The following DGKB variants were observed in gnomAD, a reference collection of about 807,000 sequenced individuals.
DGKB encodes diacylglycerol kinase beta.
In DGKB, 67 loss-of-function variants were observed where a neutral mutation model predicts 114.3. That is an observed-to-expected ratio of 0.59 (90% CI 0.48 to 0.72). The LOEUF is 0.72. Among genes scored for constraint, DGKB ranks in the 30% least tolerant of loss-of-function variants. The pLI, the probability that DGKB is intolerant of heterozygous loss-of-function variation, is 0.00. For synonymous variants in DGKB, 398 were observed against 323.1 expected, an observed-to-expected ratio of 1.23 and a Z score of -2.49; for missense variants, 907 against 975.2, an observed-to-expected ratio of 0.93 and a Z score of 0.93.
chr7:14,520,208 C>CTTTTTTT (rs1319688779), intron 20 of DGKB, among the ~76,000 whole-genome samples: 1 of 89,266 alleles, frequency 1.1e-5, no homozygotes, highest in Non-Finnish European at 2.4e-5. Flanking sequence ...ATCTTTTTTC[C>CTTTTTTT]TATTTTTTTT....
At chr7:14,217,323 G>A (rs747649914) in intron 23 of DGKB, among the ~76,000 whole-genome samples, 1 of 151,928 alleles carries the variant, frequency 6.6e-6, no homozygotes, top group Non-Finnish European at 1.5e-5. Flanking sequence ...TGAATTTAAT[G>A]TTTGGATTTT....
intron 9 of DGKB, 147 bp downstream of exon 9, chr7:14,693,928 T>C (rs1823356498): frequency 2.5e-6 from 2 of 791,724 alleles, no homozygotes; most frequent in Non-Finnish European, 1.9e-6. Context: ...TACTGTCAAA[T>C]TGCACCGTGG....
intron 2 of DGKB, among the ~76,000 whole-genome samples, chr7:14,773,748 A>T (rs1837749010): frequency 6.6e-6 from 1 of 152,180 alleles, no homozygotes; most frequent in South Asian, 2.1e-4. Flanking sequence ...GCTGTGGGCA[A>T]AAGCTGAGAT....
intron 8 of DGKB, among the ~76,000 whole-genome samples, chr7:14,695,490 C>T (rs1355924097): frequency 1.6e-4 from 13 of 81,690 alleles, no homozygotes; most frequent in South Asian, 5.3e-4. Context: ...CTCTCTCTCT[C>T]TCTCTTTTTT....
intron 13 of DGKB, among the ~76,000 whole-genome samples, chr7:14,671,168 G>T (rs549271409): frequency 6.6e-6 from 1 of 152,062 alleles, no homozygotes; most frequent in African/African-American, 2.4e-5. Flanking sequence ...TACTAAGAGA[G>T]GAATGCCATG....
chr7:14,504,673 A>G (rs900892495), intron 20 of DGKB, among the ~76,000 whole-genome samples: 2 of 152,224 alleles, frequency 1.3e-5, no homozygotes, highest in Non-Finnish European at 2.9e-5. Context: ...TCAGTATATG[A>G]AAACACAAAG....
chr7:14,361,474 A>G (rs1220352320), intron 21 of DGKB, among the ~76,000 whole-genome samples: 9 of 151,958 alleles, frequency 5.9e-5, no homozygotes, highest in African/African-American at 2.2e-4. Context: ...ATCTTGAGGG[A>G]CTCAGATGAC....
At chr7:14,344,105 TTG>T (rs1303337707) in intron 22 of DGKB, among the ~76,000 whole-genome samples, 1 of 150,526 alleles carries the variant, frequency 6.6e-6, no homozygotes, top group Non-Finnish European at 1.5e-5. Flanking sequence ...ATACAGTTAT[TTG>T]TGTGCATATA....
chr7:14,708,965 C>G lies in DGKB; in HGVS notation c.467-7235G>C, dbSNP rs1431490398. On this transcript the variant is annotated intron_variant, in intron 6 of 25. Transcript: ENST00000402815. ...GCAACAAAAGCCAAAATTGACAAAT[C>G]GGATCTAATTAAACTAAAGAGCTTC... Among the ~76,000 whole-genome samples the G allele has an allele frequency of 2.4e-3, 367 of 150,042 alleles. 2 individuals carry two copies. Among genetic ancestry groups the G allele is most frequent in the Middle Eastern group, 0.014 (4 of 292 alleles).
At chr7:14,579,799 A>AG (rs1363258764) in intron 19 of DGKB, among the ~76,000 whole-genome samples, 10 of 152,090 alleles carry the variant, frequency 6.6e-5, no homozygotes, top group African/African-American at 2.4e-4. Context: ...AAAAAAAAAA[A>AG]TCATCTGCTC....
intron 1 of DGKB, among the ~76,000 whole-genome samples, chr7:14,880,249 G>T (rs1308990363): frequency 1.3e-5 from 2 of 151,730 alleles, no homozygotes; most frequent in African/African-American, 4.8e-5. Context: ...TCACAAGCCA[G>T]GAGTTCAGGA....
At chr7:14,175,088 C>T (rs968731425) in intron 25 of DGKB, among the ~76,000 whole-genome samples, 1 of 152,194 alleles carries the variant, frequency 6.6e-6, no homozygotes, top group African/African-American at 2.4e-5. Context: ...TGTTTGAAAT[C>T]TGTAACTAAG....
At chr7:14,515,239 A>C (rs1788599802) in intron 20 of DGKB, among the ~76,000 whole-genome samples, 1 of 152,148 alleles carries the variant, frequency 6.6e-6, no homozygotes, top group Non-Finnish European at 1.5e-5. Flanking sequence ...TTATTTCATT[A>C]TTTTTCCTAA....
At chr7:14,612,970 G>C (rs78167618) in intron 16 of DGKB, among the ~76,000 whole-genome samples, 6 of 151,912 alleles carry the variant, frequency 3.9e-5, no homozygotes, top group Admixed American at 3.9e-4. Context: ...CTAGATGTTG[G>C]GTATAAATTC....
intron 14 of DGKB, among the ~76,000 whole-genome samples, chr7:14,626,488 C>G (rs74826755): frequency 6.6e-6 from 1 of 152,144 alleles, no homozygotes; most frequent in East Asian, 1.9e-4. Context: ...GAGTTTTTAA[C>G]CCAAGGTATC....
At chr7:14,509,711 C>T (rs1406946224) in intron 20 of DGKB, among the ~76,000 whole-genome samples, 3 of 152,204 alleles carry the variant, frequency 2.0e-5, no homozygotes, top group Admixed American at 6.5e-5. Context: ...AGCAAGCCTC[C>T]GACGCTCTGG....
At chr7:14,385,623 TC>T (rs1454766911) in intron 21 of DGKB, among the ~76,000 whole-genome samples, 2 of 152,296 alleles carry the variant, frequency 1.3e-5, no homozygotes, top group African/African-American at 4.8e-5. Context: ...GTGTGATAAA[TC>T]CCATTGGCAG....
At chr7:14,513,211 T>C (rs1788246651) in intron 20 of DGKB, among the ~76,000 whole-genome samples, 1 of 152,080 alleles carries the variant, frequency 6.6e-6, no homozygotes, top group Non-Finnish European at 1.5e-5. Context: ...CCATACTTTA[T>C]TATTCTATCT....
intron 21 of DGKB, among the ~76,000 whole-genome samples, chr7:14,348,392 T>C (rs1293589240): frequency 1.3e-5 from 2 of 152,054 alleles, no homozygotes; most frequent in Middle Eastern, 6.8e-3. Flanking sequence ...ATTTAGAATA[T>C]ATAAAGAACT....
Sources: allele counts gnomAD v4.1 joint callset (sites outside exome capture counted in the v4.1 genomes callset), GRCh38; gene constraint gnomAD v4.1.1; transcripts MANE v1.5; gene names NCBI Gene and HGNC (gene_info 2026-07-23, HGNC 2026-07-21).